The following FARP2 variants were observed in gnomAD, a reference collection of about 807,000 sequenced individuals.
FARP2 encodes FERM, ARHGEF and pleckstrin domain-containing protein 2.
Under a neutral mutation model 130.5 loss-of-function variants are expected in FARP2, and 111 were observed. That is an observed-to-expected ratio of 0.85 (90% confidence interval 0.73 to 1.00). The LOEUF is 1.00. FARP2 is among the 50% of genes least tolerant of loss of function. FARP2 has a pLI of 0.00. For synonymous variants in FARP2, 504 were observed against 516.9 expected, an observed-to-expected ratio of 0.98 and a Z score of 0.34; for missense variants, 1,385 against 1,346.3, an observed-to-expected ratio of 1.03 and a Z score of -0.45.
chr2:241,376,652 G>A (rs954444765), intron 2 of FARP2, among the ~76,000 whole-genome samples: 16 of 152,222 alleles, frequency 1.1e-4, no homozygotes, highest in African/African-American at 2.4e-4. Flanking sequence ...TCTTGCTGTC[G>A]TTTGTCCACT....
chr2:241,448,856 G>A (rs2063576118), intron 13 of FARP2, among the ~76,000 whole-genome samples: 1 of 152,224 alleles, frequency 6.6e-6, no homozygotes, highest in African/African-American at 2.4e-5. Context: ...GTGTCAGCTC[G>A]TTAAAACCCC....
At chr2:241,417,192 G>A (rs1221905376) in intron 7 of FARP2, among the ~76,000 whole-genome samples, 1 of 151,198 alleles carries the variant, frequency 6.6e-6, no homozygotes, top group Non-Finnish European at 1.5e-5. Flanking sequence ...AGCTACTCAG[G>A]AGGCTGAGGC....
chr2:241,366,120 T>TAC (rs1553705661), intron 1 of FARP2, among the ~76,000 whole-genome samples: 2 of 44,340 alleles, frequency 4.5e-5, no homozygotes, highest in African/African-American at 1.6e-4. Context: ...TATATATATA[T>TAC]ACGTATATAT....
At chr2:241,416,655 A>G (rs955046580) in intron 7 of FARP2, among the ~76,000 whole-genome samples, 1 of 152,244 alleles carries the variant, frequency 6.6e-6, no homozygotes, top group Non-Finnish European at 1.5e-5. Flanking sequence ...AGTCGGGCAC[A>G]GTGGCTCATG....
chr2:241,485,949 G>A (rs1047978363), intron 21 of FARP2, among the ~76,000 whole-genome samples: 1 of 152,164 alleles, frequency 6.6e-6, no homozygotes, highest in African/African-American at 2.4e-5. Context: ...CCTCTGCACT[G>A]CCTCCTCCTG....
chr2:241,457,265 A>C (rs2063873800), intron 14 of FARP2, among the ~76,000 whole-genome samples: 1 of 151,026 alleles, frequency 6.6e-6, no homozygotes, highest in East Asian at 2.0e-4. Flanking sequence ...CACCTTCCTC[A>C]TTTCTCCCTC....
At chr2:241,474,317 C>CAAAAAA (rs56128645) in intron 18 of FARP2, among the ~76,000 whole-genome samples, 25 of 46,674 alleles carry the variant, frequency 5.4e-4, no homozygotes, top group South Asian at 1.5e-3. Flanking sequence ...GATTCCGTCT[C>CAAAAAA]AAAAAAAAAA....
chr2:241,428,887 A>G (rs1264546108), intron 8 of FARP2, among the ~76,000 whole-genome samples: 1 of 152,210 alleles, frequency 6.6e-6, no homozygotes, highest in Non-Finnish European at 1.5e-5. Context: ...GATATTTCAT[A>G]TAAGTGGGAT....
At chr2:241,438,206 T>C (rs939234227) in intron 12 of FARP2, among the ~76,000 whole-genome samples, 1 of 152,198 alleles carries the variant, frequency 6.6e-6, no homozygotes, top group Non-Finnish European at 1.5e-5. Context: ...TTTTAATGGT[T>C]TGTCATTTAT....
Position 241,491,527 on chromosome 2 carries a change from G to T in FARP2, c.2635G>T (p.Glu879Ter). ...VCTRPPRSPN[E>*]VSLEQESEDD... ...TGACTTCTCCCCAGGATCCCCCAAC[G>T]AGGTATCTCTGGAGCAGGAGTCAGA... Residue 879 changes from glutamate to a stop codon, truncating the protein, a stop_gained, in exon 24 of 27, where the codon GAG (glutamate) becomes TAG (stop). Transcript: ENST00000264042. LOFTEE classifies it high-confidence loss of function. 6.2e-7 allele frequency: 1 copy of T among 1,613,496 alleles called. No individual in the cohort carries two copies. The highest frequency in any genetic ancestry group is 1.1e-5 in the South Asian group (1 of 91,062).
intron 17 of FARP2, among the ~76,000 whole-genome samples, chr2:241,466,904 G>T (rs1574883382): frequency 6.6e-6 from 1 of 151,954 alleles, no homozygotes; most frequent in Admixed American, 6.6e-5. Context: ...CTCCACAGTG[G>T]TTTCCGACTC....
At chr2:241,472,819 G>T (rs1333256654) in intron 18 of FARP2, among the ~76,000 whole-genome samples, 1 of 150,762 alleles carries the variant, frequency 6.6e-6, no homozygotes, top group Non-Finnish European at 1.5e-5. Flanking sequence ...CTGTTCTGAG[G>T]GGACGCTATT....
chr2:241,442,371 AG>A, intron 13 of FARP2: 1 of 456,710 alleles, frequency 2.2e-6, no homozygotes, highest in South Asian at 1.5e-5. Flanking sequence ...CCAGCAGCAC[AG>A]AGTCAGACTC....
intron 5 of FARP2, among the ~76,000 whole-genome samples, chr2:241,409,787 G>A (rs1022846515): frequency 1.3e-5 from 2 of 152,006 alleles, no homozygotes; most frequent in African/African-American, 4.8e-5. Flanking sequence ...TTTCCATATC[G>A]TATATAAAAA....
intron 18 of FARP2, among the ~76,000 whole-genome samples, chr2:241,469,886 C>T (rs751288755): frequency 2.0e-5 from 3 of 152,188 alleles, no homozygotes; most frequent in Non-Finnish European, 4.4e-5. Flanking sequence ...TGGTGCAAAA[C>T]CTCTGTGAAG....
intron 21 of FARP2, among the ~76,000 whole-genome samples, chr2:241,485,278 C>T (rs1257371048): frequency 1.3e-5 from 2 of 151,412 alleles, no homozygotes; most frequent in Non-Finnish European, 3.0e-5. Flanking sequence ...TAGGATCTTC[C>T]CTCCCTAGAG....
At chr2:241,384,670 C>T (rs774778040) in intron 2 of FARP2, among the ~76,000 whole-genome samples, 34 of 152,100 alleles carry the variant, frequency 2.2e-4, no homozygotes, top group Non-Finnish European at 4.3e-4. Context: ...AATATGCATC[C>T]ATATGCTTTT....
At chr2:241,403,959 T>C in intron 3 of FARP2, 27 bp downstream of exon 3, 1 of 1,304,936 alleles carries the variant, frequency 7.7e-7, no homozygotes, top group Non-Finnish European at 1.1e-6. Flanking sequence ...TGCCCAGGCG[T>C]GGAGCCTTTG....
intron 1 of FARP2, among the ~76,000 whole-genome samples, chr2:241,366,747 A>G (rs2061329040): frequency 6.6e-6 from 1 of 152,166 alleles, no homozygotes. Context: ...GAGCTGCCTT[A>G]TCACAGAATC....
Sources: gnomAD v4.1 joint callset for allele counts (sites outside exome capture counted in the v4.1 genomes callset) on GRCh38, gnomAD v4.1.1 for gene constraint, MANE v1.5 for transcripts, NCBI Gene and HGNC (gene_info 2026-07-23, HGNC 2026-07-21) for gene names.